NMT1: variants seen among roughly 807,000 people sequenced by gnomAD.
NMT1 encodes the protein glycylpeptide N-tetradecanoyltransferase 1.
Under a neutral mutation model 63.4 loss-of-function variants are expected in NMT1, and 12 were observed. That is an observed-to-expected ratio of 0.19 (90% CI 0.12 to 0.31). The LOEUF is 0.31. Ranked by LOEUF, NMT1 falls within the 10% of genes least tolerant of loss-of-function variation. NMT1 has a pLI of 1.00. For synonymous variants in NMT1, 228 were observed against 234.3 expected, an observed-to-expected ratio of 0.97 and a Z score of 0.25; for missense variants, 432 against 634.6, an observed-to-expected ratio of 0.68 and a Z score of 3.43.
rs777441673 is a variant in NMT1, at chr17:45,105,026, G to C, written c.1470+30G>C. The C allele has an allele frequency of 6.2e-7, 1 of 1,613,462 alleles. No individual in the cohort carries two copies. Among genetic ancestry groups the C allele is most frequent in the South Asian group, 1.1e-5 (1 of 91,056 alleles). Reference sequence around the variant, plus strand: ...GCGACACATAGCCAGAGTCCAGGCTGCCCGGCCCAGGGTGTCCATGTCTCC... The same window carrying C: ...GCGACACATAGCCAGAGTCCAGGCTCCCCGGCCCAGGGTGTCCATGTCTCC... On this transcript the variant is annotated intron_variant, in intron 11 of 11. Coordinates refer to ENST00000258960, the MANE Select transcript of NMT1 (RefSeq NM_021079.5). This position sits in a 1 kb window ranked among gnomAD's most constrained non-coding sequence, Gnocchi z 4.2.
chr17:45,065,178 G>A (rs2053893666), intron 1 of NMT1, among the ~76,000 whole-genome samples: 2 of 152,148 alleles, frequency 1.3e-5, no homozygotes, highest in African/African-American at 4.8e-5. Flanking sequence ...AGTATTTGCT[G>A]TATGAATGAA....
intron 2 of NMT1, 75 bp from the exon 3 acceptor site, chr17:45,086,433 C>T (rs749017518): frequency 2.4e-5 from 35 of 1,471,792 alleles, no homozygotes; most frequent in Non-Finnish European, 2.9e-5. Flanking sequence ...CTCCCCTTAA[C>T]TCTTGAACTC....
intron 2 of NMT1, among the ~76,000 whole-genome samples, chr17:45,082,040 G>A (rs767837182): frequency 8.5e-5 from 13 of 152,190 alleles, no homozygotes; most frequent in Non-Finnish European, 1.2e-4. Context: ...GGGGAGCTAC[G>A]TGTGACAGCC....
In NMT1 at chr17:45,104,219, G is replaced by T; in HGVS notation, c.1332+343G>T. The T allele has an allele frequency of 8.2e-7, 1 of 1,225,512 alleles. No homozygotes were observed. 75.9% of individuals were successfully genotyped at this position (1,225,512 alleles called of 1,614,324 possible). On this transcript the variant is annotated intron_variant, in intron 10 of 11. Coordinates refer to ENST00000258960, the MANE Select transcript of NMT1 (RefSeq NM_021079.5). This position sits in a 1 kb window ranked among gnomAD's most constrained non-coding sequence, Gnocchi z 4.2. The stretch of plus-strand genomic sequence containing the variant: ...CGTGGGAAAGGGGTGATTGCTGTCT[G>T]TCGTGGTGAGTCATTGGAGCATCCA...
chr17:45,091,907 A>G (rs561562005), intron 3 of NMT1, among the ~76,000 whole-genome samples: 9 of 152,238 alleles, frequency 5.9e-5, no homozygotes, highest in Admixed American at 4.6e-4. Flanking sequence ...TATAGTCCCA[A>G]CCACTCGAGA....
intron 2 of NMT1, among the ~76,000 whole-genome samples, chr17:45,086,056 AG>A (rs2054049728): frequency 6.6e-6 from 1 of 150,902 alleles, no homozygotes; most frequent in Non-Finnish European, 1.5e-5. Flanking sequence ...TCCTGAGCTC[AG>A]GCAATCCACC....
intron 1 of NMT1, among the ~76,000 whole-genome samples, chr17:45,075,609 G>A (rs749480461): frequency 1.1e-4 from 17 of 151,342 alleles, no homozygotes; most frequent in Non-Finnish European, 2.4e-4. Flanking sequence ...GTGAAACCCC[G>A]TCTCTACTAA....
Position 45,105,794 on chromosome 17 carries a change from T to C in NMT1, c.*155T>C, listed in dbSNP as rs2054199438. 1.5e-6 allele frequency: 1 copy of C among 682,480 alleles called. No individual in the cohort carries two copies. Among genetic ancestry groups the C allele is most frequent in the African/African-American group, 1.8e-5 (1 of 55,210 alleles). The allele number at this position is 682,480 out of a possible 1,614,324, so 42.3% of individuals were successfully genotyped here. A position where few individuals can be genotyped will look rare whatever the true frequency, so the allele number is the denominator to read the frequency against. ...ACCAAACCGCCAGCGAACTTGACAA[T>C]TGTATTGCGATGGCGTGGGCTGCGT... On this transcript the variant is annotated 3_prime_UTR_variant, in exon 12 of 12. Transcript: ENST00000258960. This position sits in a 1 kb window ranked among gnomAD's most constrained non-coding sequence, Gnocchi z 4.2.
At chr17:45,093,615 G>A (rs1598015272) in intron 3 of NMT1, 70 bp from the exon 4 acceptor site, 2 of 1,330,998 alleles carry the variant, frequency 1.5e-6, no homozygotes, top group South Asian at 2.5e-5. Context: ...CTCTGGTTGA[G>A]TTTTGAACTG....
chr17:45,079,534 A>G (rs1416064568), intron 1 of NMT1, among the ~76,000 whole-genome samples: 2 of 152,032 alleles, frequency 1.3e-5, no homozygotes, highest in African/African-American at 4.8e-5. Flanking sequence ...ACATAGGGAG[A>G]CCCCTGTCTC....
rs116374636 is a variant in NMT1, at chr17:45,104,747, C to T, written c.1333-112C>T. 1.3e-6 allele frequency: 2 copies of T among 1,536,794 alleles called. No individual in the cohort carries two copies. Among genetic ancestry groups the T allele is most frequent in the Middle Eastern group, 1.8e-4 (1 of 5,482 alleles). ...GGAAGCAGCGGAGCTTCTGAGGGAACCTTGTTCTTGTGGCTGCCCACAGGA... is the reference window on the plus strand; with the variant it reads ...GGAAGCAGCGGAGCTTCTGAGGGAATCTTGTTCTTGTGGCTGCCCACAGGA... On this transcript the variant is annotated intron_variant, in intron 10 of 11. Coordinates refer to ENST00000258960, the MANE Select transcript of NMT1 (RefSeq NM_021079.5). The surrounding 1 kb of genome is among the most constrained non-coding windows in gnomAD (Gnocchi z 4.2).
At chr17:45,081,539 C>G in intron 1 of NMT1, 105 bp from the exon 2 acceptor site, 1 of 1,006,706 alleles carries the variant, frequency 9.9e-7, no homozygotes, top group East Asian at 2.4e-5. Flanking sequence ...CTGAAGCCAA[C>G]AGGCTTGATT....
intron 1 of NMT1, 26 bp from the exon 2 acceptor site, chr17:45,081,618 G>A: frequency 1.3e-6 from 2 of 1,587,046 alleles, no homozygotes; most frequent in Non-Finnish European, 1.7e-6. Context: ...TTTAAACCCT[G>A]CATTAGTATT....
chr17:45,075,685 C>T (rs917685972), intron 1 of NMT1, among the ~76,000 whole-genome samples: 2 of 151,762 alleles, frequency 1.3e-5, no homozygotes, highest in African/African-American at 2.4e-5. Context: ...GCAGGAGAAT[C>T]GCTGAACCCA....
chr17:45,066,576 A>G (rs1471526097), intron 1 of NMT1, among the ~76,000 whole-genome samples: 1 of 152,002 alleles, frequency 6.6e-6, no homozygotes, highest in African/African-American at 2.4e-5. Context: ...CAACATGGTG[A>G]GACCCCATCT....
chr17:45,061,664 A>T (rs2053860945), intron 1 of NMT1: 2 of 532,944 alleles, frequency 3.8e-6, no homozygotes, highest in African/African-American at 3.8e-5. Flanking sequence ...GGAGACGTTC[A>T]GTACTTTTAT....
At chr17:45,075,673 A>C (rs1378328316) in intron 1 of NMT1, among the ~76,000 whole-genome samples, 2 of 151,938 alleles carry the variant, frequency 1.3e-5, no homozygotes, top group East Asian at 3.9e-4. Flanking sequence ...CAGGAGGCTG[A>C]GGCAGGAGAA....
chr17:45,098,791 G>A (rs2054142656), intron 7 of NMT1: 1 of 466,296 alleles, frequency 2.1e-6, no homozygotes. Flanking sequence ...TCTGCTGGCT[G>A]CTGCCATTTG....
At chr17:45,072,686 A>G (rs2053949814) in intron 1 of NMT1, among the ~76,000 whole-genome samples, 1 of 151,484 alleles carries the variant, frequency 6.6e-6, no homozygotes, top group Admixed American at 6.6e-5. Flanking sequence ...CAGCCTCCCG[A>G]GTAGCTGGGA....
Sources: allele counts gnomAD v4.1 joint callset (sites outside exome capture counted in the v4.1 genomes callset), GRCh38; gene constraint gnomAD v4.1.1; non-coding constraint Gnocchi (gnomAD v3.1); transcripts MANE v1.5; gene names NCBI Gene and HGNC (gene_info 2026-07-23, HGNC 2026-07-21).